The following AFF3 variants were observed in gnomAD, a reference collection of about 807,000 sequenced individuals.
AFF3 encodes ALF transcription elongation factor 3.
In AFF3, 32 loss-of-function variants were observed where a neutral mutation model predicts 129.7. The observed-to-expected ratio is 0.25, with a 90% CI of 0.19 to 0.33. The LOEUF (loss-of-function observed/expected upper bound fraction) is 0.33. Among genes scored for constraint, AFF3 ranks in the 10% least tolerant of loss-of-function variants. The pLI is 1.00. For synonymous variants in AFF3, 644 were observed against 635.4 expected, an observed-to-expected ratio of 1.01 and a Z score of -0.20; for missense variants, 1,373 against 1,592.0, an observed-to-expected ratio of 0.86 and a Z score of 2.34.
intron 1 of AFF3, among the ~76,000 whole-genome samples, chr2:100,134,585 A>G (rs979619846): frequency 2.6e-5 from 4 of 152,150 alleles, no homozygotes; most frequent in Non-Finnish European, 5.9e-5. Flanking sequence ...AAGATCATTT[A>G]ATCTTTACCT....
At chr2:99,940,594 G>A (rs1174557652) in intron 7 of AFF3, among the ~76,000 whole-genome samples, 1 of 152,164 alleles carries the variant, frequency 6.6e-6, no homozygotes, top group Non-Finnish European at 1.5e-5. Flanking sequence ...GCAATGTCAG[G>A]AAGTTACCCT....
chr2:99,826,929 G>A (rs1433799440), intron 8 of AFF3, among the ~76,000 whole-genome samples: 1 of 152,126 alleles, frequency 6.6e-6, no homozygotes, highest in Non-Finnish European at 1.5e-5. Context: ...CAAGGAGATA[G>A]CTGGAGGTAA....
chr2:100,048,762 C>A (rs1293211073), intron 4 of AFF3, among the ~76,000 whole-genome samples: 1 of 152,058 alleles, frequency 6.6e-6, no homozygotes, highest in Non-Finnish European at 1.5e-5. Context: ...ATATGGTGTG[C>A]AAAATGTAGA....
intron 14 of AFF3, 121 bp downstream of exon 14, chr2:99,601,314 T>G: frequency 1.7e-6 from 2 of 1,198,402 alleles, no homozygotes; most frequent in Non-Finnish European, 2.2e-6. Flanking sequence ...TCCCAGCACC[T>G]GGCTTGGGGT....
At position 99,582,951 on chromosome 2, in the gene AFF3, G is replaced by C. The variant is rs1213810701; in HGVS notation, c.2640C>G (p.Ile880Met). 1.2e-6 allele frequency: 2 copies of C among 1,614,170 alleles called. No individual in the cohort carries two copies. Among genetic ancestry groups the C allele is most frequent in the South Asian group, 1.1e-5 (1 of 91,086 alleles). The change falls in exon 17 of 25, where the codon ATC becomes ATG. Residue 880 changes from isoleucine to methionine, a missense_variant. Ile to Met is a conservative substitution (Grantham distance 10). Around this residue, in one of 9 missense-constraint regions of AFF3, gnomAD observed 466 missense variants for 505.0 expected, o/e 0.92. Coordinates refer to ENST00000672756, the MANE Select transcript of AFF3 (RefSeq NM_001386135.1). Reference protein sequence around the residue: ...NKNEKMLRSPISPLSDASKHK... With the variant: ...NKNEKMLRSPMSPLSDASKHK... ...GTTTAGATGCATCAGAGAGGGGTGA[G>C]ATGGGCGACCGAAGCATTTTTTCAT...
chr2:99,912,599 G>T (rs1179426218), intron 7 of AFF3, among the ~76,000 whole-genome samples: 1 of 151,982 alleles, frequency 6.6e-6, no homozygotes, highest in African/African-American at 2.4e-5. Context: ...CACCAAATGG[G>T]CCCTCGAGAT....
At chr2:99,974,389 C>A (rs963858089) in intron 7 of AFF3, among the ~76,000 whole-genome samples, 2 of 152,192 alleles carry the variant, frequency 1.3e-5, no homozygotes, top group African/African-American at 4.8e-5. Context: ...AATAAGTGTA[C>A]TCAAGCACAA....
intron 9 of AFF3, among the ~76,000 whole-genome samples, chr2:99,747,848 AC>A (rs1681297916): frequency 5.9e-5 from 9 of 152,080 alleles, no homozygotes; most frequent in Admixed American, 5.9e-4. Flanking sequence ...TGAAACAACA[AC>A]TGCTAGTGCC....
At chr2:99,596,256 C>T (rs974928423) in intron 14 of AFF3, among the ~76,000 whole-genome samples, 2 of 152,164 alleles carry the variant, frequency 1.3e-5, no homozygotes, top group Admixed American at 6.5e-5. Context: ...CACGGGAAAC[C>T]TATGGAACAT....
intron 13 of AFF3, among the ~76,000 whole-genome samples, chr2:99,648,921 T>A (rs868830176): frequency 5.4e-4 from 32 of 59,450 alleles, no homozygotes; most frequent in South Asian, 8.4e-4. Flanking sequence ...ACACACACTC[T>A]CTCTCTCTCT....
At chr2:100,112,283 T>C (rs1691541937) in intron 2 of AFF3, 1 of 152,152 alleles carries the variant, frequency 6.6e-6, no homozygotes, top group Non-Finnish European at 1.5e-5. Context: ...GTTGGTTTCT[T>C]GGAAGAAGGG....
chr2:100,038,817 G>A (rs1685190787), intron 4 of AFF3, among the ~76,000 whole-genome samples: 1 of 151,800 alleles, frequency 6.6e-6, no homozygotes, highest in Non-Finnish European at 1.5e-5. Context: ...TCCGCCACCG[G>A]GTTCAAGCGA....
At chr2:99,975,454 C>G (rs1236826505) in intron 7 of AFF3, among the ~76,000 whole-genome samples, 2 of 152,286 alleles carry the variant, frequency 1.3e-5, no homozygotes, top group East Asian at 3.9e-4. Flanking sequence ...TGCCAACATT[C>G]TATGTATGGT....
intron 13 of AFF3, among the ~76,000 whole-genome samples, chr2:99,615,299 G>A (rs1681310079): frequency 6.6e-6 from 1 of 152,230 alleles, no homozygotes; most frequent in Non-Finnish European, 1.5e-5. Flanking sequence ...TGTTGGCTTG[G>A]CCAGGTCCCC....
intron 13 of AFF3, among the ~76,000 whole-genome samples, chr2:99,648,919 T>A (rs4851219): frequency 2.2e-3 from 109 of 48,826 alleles, no homozygotes; most frequent in African/African-American, 4.1e-3. Context: ...ACACACACAC[T>A]CTCTCTCTCT....
At chr2:99,780,670 C>T (rs1684333269) in intron 8 of AFF3, among the ~76,000 whole-genome samples, 2 of 152,148 alleles carry the variant, frequency 1.3e-5, no homozygotes, top group Non-Finnish European at 2.9e-5. Context: ...ATTGTCTTCC[C>T]CATCTTAGTG....
intron 2 of AFF3, among the ~76,000 whole-genome samples, chr2:100,114,907 A>G (rs1336026210): frequency 6.6e-6 from 1 of 152,258 alleles, no homozygotes; most frequent in Non-Finnish European, 1.5e-5. Flanking sequence ...AATTCAAGCC[A>G]TGCACAGCAG....
intron 4 of AFF3, among the ~76,000 whole-genome samples, chr2:100,014,783 C>CTTTTT (rs60456923): frequency 2.5e-4 from 30 of 120,404 alleles, no homozygotes; most frequent in African/African-American, 9.0e-4. Context: ...ACCTTGCTTC[C>CTTTTT]TTTTTTTTTT....
At chr2:99,864,951 C>T (rs1691268182) in intron 7 of AFF3, among the ~76,000 whole-genome samples, 1 of 152,152 alleles carries the variant, frequency 6.6e-6, no homozygotes, top group Non-Finnish European at 1.5e-5. Context: ...ACATGAATGT[C>T]GCATGTTGCT....
Sources: gnomAD v4.1 joint callset for allele counts (sites outside exome capture counted in the v4.1 genomes callset) on GRCh38, gnomAD v4.1.1 for gene constraint, gnomAD v4.1.1 regional missense constraint, MANE v1.5 for transcripts, NCBI Gene and HGNC (gene_info 2026-07-23, HGNC 2026-07-21) for gene names.